The following AGBL2 variants were observed in gnomAD, a reference collection of about 807,000 sequenced individuals.
The protein encoded by AGBL2 is cytosolic carboxypeptidase 2.
In AGBL2, 87 loss-of-function variants were observed where a neutral mutation model predicts 103.0. That is an observed-to-expected ratio of 0.84 (90% confidence interval 0.71 to 1.01). The LOEUF (loss-of-function observed/expected upper bound fraction) is 1.01, where lower values mean the gene tolerates loss of function less well. AGBL2 is among the 50% of genes least tolerant of loss of function. The pLI, the probability that AGBL2 is intolerant of heterozygous loss-of-function variation, is 0.00. For missense variants in AGBL2, 904 were observed against 1,023.5 expected (o/e 0.88, Z 1.59); for synonymous variants, 335 against 356.7 (o/e 0.94, Z 0.69).
At chr11:47,686,456 T>G (rs1214262417) in intron 10 of AGBL2, among the ~76,000 whole-genome samples, 1 of 148,412 alleles carries the variant, frequency 6.7e-6, no homozygotes, top group Non-Finnish European at 1.5e-5. Flanking sequence ...GGTTTTTTTT[T>G]TTTTTTTTTT....
In AGBL2 at chr11:47,706,749, G is replaced by GT. The variant is rs749331168; in HGVS notation, c.233-833dup. Reference sequence around the variant, plus strand: ...CTCATATGAAAAGGCTTTCTCTTTTGTTTTTTTAAGACAGGGTTGCTGGGT... The same window carrying GT: ...CTCATATGAAAAGGCTTTCTCTTTTGTTTTTTTTAAGACAGGGTTGCTGGGT... On this transcript the variant is annotated intron_variant, in intron 4 of 18. Transcript: ENST00000525123. Among the ~76,000 whole-genome samples the GT allele has an allele frequency of 1.4e-3, 208 of 151,478 alleles. 1 individual carries two copies. Among genetic ancestry groups the GT allele is most frequent in the Non-Finnish European group, 1.7e-3 (114 of 67,818 alleles).
chr11:47,700,917 C>T (rs748416530), intron 7 of AGBL2, among the ~76,000 whole-genome samples: 6 of 150,960 alleles, frequency 4.0e-5, no homozygotes, highest in East Asian at 2.0e-4. Context: ...AAAAATTAGC[C>T]GAGTTACAGT....
chr11:47,667,816 G>T, intron 15 of AGBL2, 120 bp from the exon 16 acceptor site: 2 of 1,156,264 alleles, frequency 1.7e-6, no homozygotes, highest in Middle Eastern at 2.0e-4. Flanking sequence ...GATTTGTGGT[G>T]TTGGTTTGGA....
chr11:47,677,412 G>GA lies in AGBL2; in HGVS notation c.2017-12dup, dbSNP rs748406034. On this transcript the variant is annotated splice_polypyrimidine_tract_variant and intron_variant, in intron 13 of 18. Coordinates refer to ENST00000525123, the MANE Select transcript of AGBL2 (RefSeq NM_024783.4). ...TAGACACTGAGTGAACTATGAAAGT[G>GA]AAAAAAAGAACTATTTTGTTAATTC... 1.4e-5 allele frequency: 21 copies of GA among 1,462,844 alleles called. No individual in the cohort carries two copies. Among genetic ancestry groups the GA allele is most frequent in the South Asian group, 3.2e-5 (2 of 62,020 alleles). The allele number at this position is 1,462,844 out of a possible 1,614,324, so 90.6% of individuals were successfully genotyped here. A position where few individuals can be genotyped will look rare whatever the true frequency, so the allele number is the denominator to read the frequency against.
chr11:47,662,389 G>A (rs940654315), intron 18 of AGBL2, among the ~76,000 whole-genome samples: 2 of 151,932 alleles, frequency 1.3e-5, no homozygotes, highest in East Asian at 3.9e-4. Context: ...GGCCAGGCTG[G>A]TCTTGAACTG....
At chr11:47,705,739 A>G in intron 5 of AGBL2, 105 bp from the exon 6 acceptor site, 1 of 806,806 alleles carries the variant, frequency 1.2e-6, no homozygotes, top group East Asian at 2.4e-5. Flanking sequence ...AGGGTCCTTC[A>G]GTGCTCATCA....
chr11:47,706,841 G>C lies in AGBL2; in HGVS notation c.233-924C>G, dbSNP rs918271406. Among the ~76,000 whole-genome samples the C allele has an allele frequency of 8.3e-5, 12 of 145,350 alleles. No homozygotes were observed. In the East Asian group the frequency reaches 1.6e-3, roughly 20 times the overall value. ...AGGCAGGCGGATCATTTGAGGTCAG[G>C]AGTTCGAGACCAGCCTGGCCAACAT... On this transcript the variant is annotated intron_variant, in intron 4 of 18. Coordinates refer to ENST00000525123, the MANE Select transcript of AGBL2 (RefSeq NM_024783.4).
chr11:47,688,372 G>A (rs1399861331), intron 10 of AGBL2, among the ~76,000 whole-genome samples: 2 of 152,110 alleles, frequency 1.3e-5, no homozygotes, highest in Admixed American at 6.6e-5. Flanking sequence ...GACCTGTGAA[G>A]AAAGAGAGGG....
chr11:47,664,890 TTTTTA>T (rs1564999951), intron 17 of AGBL2, among the ~76,000 whole-genome samples: 6 of 144,628 alleles, frequency 4.1e-5, no homozygotes, highest in East Asian at 2.0e-4. Flanking sequence ...TTTTTTTTTT[TTTTTA>T]ATTTTTAGCA....
intron 10 of AGBL2, among the ~76,000 whole-genome samples, chr11:47,686,447 GTTT>G (rs563969184): frequency 1.5e-4 from 16 of 105,074 alleles, no homozygotes; most frequent in Non-Finnish European, 2.3e-4. Flanking sequence ...TTTGTTTCTG[GTTT>G]TTTTTTTTTT....
chr11:47,665,902 G>A (rs191001982), intron 17 of AGBL2, among the ~76,000 whole-genome samples: 22 of 152,104 alleles, frequency 1.4e-4, no homozygotes, highest in Non-Finnish European at 2.6e-4. Context: ...CCAGCTACTC[G>A]GGAGGCTGAG....
At chr11:47,691,729 A>AAAAAAAATATAT in intron 9 of AGBL2, among the ~76,000 whole-genome samples, 2 of 4,856 alleles carry the variant, frequency 4.1e-4, no homozygotes, top group African/African-American at 1.4e-3. Flanking sequence ...AAAAAAAAAA[A>AAAAAAAATATAT]ATATATATAT....
At chr11:47,703,760 T>C (rs766409368) in intron 7 of AGBL2, among the ~76,000 whole-genome samples, 1 of 151,890 alleles carries the variant, frequency 6.6e-6, no homozygotes, top group Non-Finnish European at 1.5e-5. Context: ...ACCCCGTTTC[T>C]ACTAAAAATA....
chr11:47,680,095 C>A, intron 12 of AGBL2, 22 bp from the exon 13 acceptor site: 4 of 1,309,546 alleles, frequency 3.1e-6, no homozygotes, highest in South Asian at 1.3e-5. Context: ...AAAAACCCCG[C>A]AAACATTTCC....
intron 3 of AGBL2, among the ~76,000 whole-genome samples, chr11:47,711,595 G>A (rs188515371): frequency 1.3e-4 from 20 of 152,272 alleles, no homozygotes; most frequent in Admixed American, 2.6e-4. Flanking sequence ...GTGCAGTAGC[G>A]CAATCTCAGC....
In AGBL2 at chr11:47,699,609, C is replaced by T. The variant is rs1599054728; in HGVS notation, c.587-56G>A. 7 of 942,780 alleles carry T rather than the reference C, an allele frequency of 7.4e-6. No individual in the cohort carries two copies. The East Asian group carries it at 1.9e-4, about 25-fold the overall frequency. 58.4% of individuals were successfully genotyped at this position (942,780 alleles called of 1,614,324 possible). ...TAAGAAATAATGTAAACGGCACTAT[C>T]AGAACTAATATAAAATAATAATAAT... On this transcript the variant is annotated intron_variant, in intron 7 of 18. Transcript: ENST00000525123.
At chr11:47,713,775 G>C (rs1174668245) in intron 3 of AGBL2, among the ~76,000 whole-genome samples, 5 of 151,280 alleles carry the variant, frequency 3.3e-5, no homozygotes, top group Non-Finnish European at 7.4e-5. Context: ...ATTTTTAGTA[G>C]AGACGGGGTT....
At chr11:47,670,293 G>A (rs539542838) in intron 14 of AGBL2, among the ~76,000 whole-genome samples, 2 of 152,238 alleles carry the variant, frequency 1.3e-5, no homozygotes, top group African/African-American at 4.8e-5. Flanking sequence ...GAGCCTGGGC[G>A]ATACAGTACG....
chr11:47,700,599 CAAA>C lies in AGBL2; in HGVS notation c.587-1049_587-1047del, dbSNP rs1273355705. On this transcript the variant is annotated intron_variant, in intron 7 of 18. Transcript: ENST00000525123. The stretch of plus-strand genomic sequence containing the variant: ...TGTCTCAAAATAAATTTAAAACAAA[CAAA>C]CCAACAAACAAACAAACAAACATTT... Among the ~76,000 whole-genome samples, 920 of 151,938 alleles carry C rather than the reference CAAA, an allele frequency of 6.1e-3. 8 individuals are homozygous for C. The highest frequency in any genetic ancestry group is 0.021 in the African/African-American group (882 of 41,470).
Sources: allele counts gnomAD v4.1 joint callset (sites outside exome capture counted in the v4.1 genomes callset), GRCh38; gene constraint gnomAD v4.1.1; transcripts MANE v1.5; gene names NCBI Gene and HGNC (gene_info 2026-07-23, HGNC 2026-07-21).